Variants in LHFPL3 observed in about 807,000 individuals in gnomAD.
LHFPL3 encodes the protein LHFPL tetraspan subfamily member 3 protein.
Under a neutral mutation model 19.3 loss-of-function variants are expected in LHFPL3, and 5 were observed. The ratio of observed to expected loss-of-function variants is 0.26; its 90% CI spans 0.14 to 0.54. LHFPL3 has a LOEUF of 0.54. Ranked by LOEUF, LHFPL3 falls within the 20% of genes least tolerant of loss-of-function variation. The pLI, the probability that LHFPL3 is intolerant of heterozygous loss-of-function variation, is 0.94. For missense variants in LHFPL3, 249 were observed against 307.4 expected, an observed-to-expected ratio of 0.81 and a Z score of 1.42; for synonymous variants, 133 against 126.2, an observed-to-expected ratio of 1.05 and a Z score of -0.36.
At chr7:104,525,984 G>C (rs1373114118) in intron 1 of LHFPL3, among the ~76,000 whole-genome samples, 3 of 152,074 alleles carry the variant, frequency 2.0e-5, no homozygotes, top group Non-Finnish European at 4.4e-5. Context: ...GAATGAAGAA[G>C]GGCACTGCTG....
At chr7:104,546,144 T>A (rs1218393485) in intron 1 of LHFPL3, among the ~76,000 whole-genome samples, 5 of 152,160 alleles carry the variant, frequency 3.3e-5, no homozygotes, top group African/African-American at 1.2e-4. Flanking sequence ...ACATAAATAG[T>A]TTAACTAACT....
At chr7:104,771,295 G>GTTTAA (rs1794546496) in intron 2 of LHFPL3, among the ~76,000 whole-genome samples, 1 of 152,146 alleles carries the variant, frequency 6.6e-6, no homozygotes, top group Admixed American at 6.5e-5. Context: ...TCAGATATGT[G>GTTTAA]TTTCATTTCA....
At chr7:104,773,272 G>A (rs1162852705) in intron 2 of LHFPL3, among the ~76,000 whole-genome samples, 1 of 152,126 alleles carries the variant, frequency 6.6e-6, no homozygotes, top group African/African-American at 2.4e-5. Context: ...TGCCTCTGGG[G>A]GTGGGCCCAG....
At chr7:104,624,570 G>A (rs966258036) in intron 1 of LHFPL3, among the ~76,000 whole-genome samples, 8 of 152,276 alleles carry the variant, frequency 5.3e-5, no homozygotes, top group East Asian at 1.9e-4. Flanking sequence ...CCTCATCACC[G>A]TACCTTCAGC....
intron 2 of LHFPL3, among the ~76,000 whole-genome samples, chr7:104,810,428 G>A (rs1790441380): frequency 6.6e-6 from 1 of 152,170 alleles, no homozygotes; most frequent in Non-Finnish European, 1.5e-5. Context: ...GGCAACTGGA[G>A]AGAAGCATTT....
chr7:104,411,282 G>C (rs1001009393), intron 1 of LHFPL3, among the ~76,000 whole-genome samples: 1 of 152,072 alleles, frequency 6.6e-6, no homozygotes, highest in Non-Finnish European at 1.5e-5. Flanking sequence ...GTGAAATGAG[G>C]TGACAGATAA....
At chr7:104,567,270 G>A (rs948001513) in intron 1 of LHFPL3, among the ~76,000 whole-genome samples, 7 of 152,156 alleles carry the variant, frequency 4.6e-5, no homozygotes, top group African/African-American at 1.7e-4. Flanking sequence ...AAGAACACAT[G>A]TGCCATGGGG....
intron 1 of LHFPL3, among the ~76,000 whole-genome samples, chr7:104,687,861 A>G (rs1367563872): frequency 6.6e-6 from 1 of 152,146 alleles, no homozygotes; most frequent in Non-Finnish European, 1.5e-5. Context: ...TTAAATTTCT[A>G]CCCTCTAGCA....
intron 2 of LHFPL3, among the ~76,000 whole-genome samples, chr7:104,877,174 T>C (rs1791962218): frequency 6.6e-6 from 1 of 152,040 alleles, no homozygotes; most frequent in Non-Finnish European, 1.5e-5. Context: ...ATACCTAATG[T>C]TAAATGACGA....
chr7:104,521,438 G>C (rs927685810), intron 1 of LHFPL3, among the ~76,000 whole-genome samples: 5 of 152,170 alleles, frequency 3.3e-5, no homozygotes, highest in African/African-American at 9.7e-5. Flanking sequence ...ATTTGGGGTG[G>C]AGAGTTCTGT....
chr7:104,626,451 T>A (rs1791547887), intron 1 of LHFPL3, among the ~76,000 whole-genome samples: 1 of 152,222 alleles, frequency 6.6e-6, no homozygotes, highest in Non-Finnish European at 1.5e-5. Flanking sequence ...TGCTTCATTT[T>A]TATGGCCCTC....
chr7:104,870,174 T>A (rs1791805123), intron 2 of LHFPL3, among the ~76,000 whole-genome samples: 1 of 152,138 alleles, frequency 6.6e-6, no homozygotes, highest in South Asian at 2.1e-4. Context: ...CACACCAACA[T>A]GGCACATGTA....
At chr7:104,502,984 A>G (rs1217857202) in intron 1 of LHFPL3, among the ~76,000 whole-genome samples, 2 of 152,214 alleles carry the variant, frequency 1.3e-5, no homozygotes, top group Admixed American at 1.3e-4. Context: ...ATTAAAAAAT[A>G]ATAACGCCTT....
At position 104,614,585 on chromosome 7, in the gene LHFPL3, TTCTC is replaced by T. The variant is rs1347497916; in HGVS notation, c.446-122084_446-122081del. ...ACTGTCCAAAGAGCCTCCTCTTCTC[TTCTC>T]TCTCTTCTCTTCTCTTCTCTTCTCT... On this transcript the variant is annotated intron_variant, in intron 1 of 2. Transcript: ENST00000424859. Among the ~76,000 whole-genome samples the T allele has an allele frequency of 1.7e-3, 163 of 93,422 alleles. 2 individuals are homozygous for T. The highest frequency in any genetic ancestry group is 4.8e-3 in the African/African-American group (163 of 33,712). 61.3% of individuals were successfully genotyped at this position (93,422 alleles called of 152,430 possible). A position where few individuals can be genotyped will look rare whatever the true frequency, so the allele number is the denominator to read the frequency against.
At chr7:104,657,717 G>A (rs371366138) in intron 1 of LHFPL3, among the ~76,000 whole-genome samples, 119 of 152,258 alleles carry the variant, frequency 7.8e-4, no homozygotes, top group African/African-American at 2.5e-3. Context: ...TTCTCCCCAT[G>A]CATCTATCCC....
chr7:104,368,477 A>T (rs1394904337), intron 1 of LHFPL3, among the ~76,000 whole-genome samples: 1 of 152,186 alleles, frequency 6.6e-6, no homozygotes, highest in African/African-American at 2.4e-5. Flanking sequence ...AATGCAGTGG[A>T]TGAGGTAGGG....
chr7:104,853,504 C>T (rs1449037075), intron 2 of LHFPL3, among the ~76,000 whole-genome samples: 1 of 152,112 alleles, frequency 6.6e-6, no homozygotes, highest in East Asian at 1.9e-4. Flanking sequence ...ATGCAGACTG[C>T]GTGACTTCAG....
chr7:104,806,433 T>G (rs939491602), intron 2 of LHFPL3, among the ~76,000 whole-genome samples: 5 of 152,232 alleles, frequency 3.3e-5, no homozygotes, highest in Non-Finnish European at 7.3e-5. Flanking sequence ...GGGATTGCAT[T>G]GAACCCCAAA....
rs75002785 is a variant in LHFPL3, at chr7:104,756,299, C to G, written c.682+19388C>G. The stretch of plus-strand genomic sequence containing the variant: ...AACCTTTGATAGCTTATTATTATAG[C>G]CTAATGTTGATGTTCATACTAATAT... On this transcript the variant is annotated intron_variant, in intron 2 of 2. Transcript: ENST00000424859. Among the ~76,000 whole-genome samples the G allele has an allele frequency of 4.8e-3, 730 of 152,186 alleles. 4 individuals are homozygous for G. Among genetic ancestry groups the G allele is most frequent in the African/African-American group, 0.016 (682 of 41,524 alleles).
Sources: allele counts gnomAD v4.1 joint callset (sites outside exome capture counted in the v4.1 genomes callset), GRCh38; gene constraint gnomAD v4.1.1; transcripts MANE v1.5; gene names NCBI Gene and HGNC (gene_info 2026-07-23, HGNC 2026-07-21).